Variants in ADGRL3 observed in about 807,000 individuals in gnomAD.
ADGRL3 encodes the protein calcium-independent alpha-latrotoxin receptor 3.
A neutral mutation model predicts 153.5 loss-of-function variants in ADGRL3; 62 were observed. The ratio of observed to expected loss-of-function variants is 0.40; its 90% CI spans 0.33 to 0.50. The LOEUF (loss-of-function observed/expected upper bound fraction) is 0.50, where lower values mean the gene tolerates loss of function less well. Ranked by LOEUF, ADGRL3 falls within the 20% of genes least tolerant of loss-of-function variation. The pLI is 0.47. For missense variants in ADGRL3, 1,641 were observed against 1,859.4 expected, an observed-to-expected ratio of 0.88 and a Z score of 2.16; for synonymous variants, 710 against 672.5, an observed-to-expected ratio of 1.06 and a Z score of -0.86.
intron 11 of ADGRL3, among the ~76,000 whole-genome samples, chr4:61,907,205 G>GGA (rs1474356893): frequency 2.0e-5 from 3 of 151,998 alleles, no homozygotes; most frequent in Admixed American, 6.6e-5. Flanking sequence ...AAAAGTAAGA[G>GGA]GAGGAATGCA....
chr4:61,982,809 A>G (rs954009726), intron 18 of ADGRL3, among the ~76,000 whole-genome samples: 1 of 152,176 alleles, frequency 6.6e-6, no homozygotes, highest in African/African-American at 2.4e-5. Flanking sequence ...GAATTTTCCA[A>G]CACCACCTTA....
chr4:61,603,871 A>G (rs2099021971), intron 5 of ADGRL3, among the ~76,000 whole-genome samples: 1 of 152,142 alleles, frequency 6.6e-6, no homozygotes, highest in Non-Finnish European at 1.5e-5. Flanking sequence ...AACCCAAGTC[A>G]ATCAAAGGAG....
intron 6 of ADGRL3, among the ~76,000 whole-genome samples, chr4:61,730,092 G>A (rs2096413662): frequency 6.6e-6 from 1 of 151,812 alleles, no homozygotes. Context: ...CTCATGAGGT[G>A]CATTTCTCAT....
chr4:61,786,919 G>A (rs533904002), intron 8 of ADGRL3, among the ~76,000 whole-genome samples: 2 of 152,036 alleles, frequency 1.3e-5, no homozygotes, highest in East Asian at 1.9e-4. Flanking sequence ...GATTACTTAC[G>A]AGATCCTTCA....
At chr4:61,509,533 T>C (rs2098451505) in intron 3 of ADGRL3, among the ~76,000 whole-genome samples, 1 of 152,146 alleles carries the variant, frequency 6.6e-6, no homozygotes, top group Admixed American at 6.6e-5. Context: ...CTTAGGATGA[T>C]GGCCTCCACT....
At chr4:61,262,577 G>A (rs910263020) in intron 1 of ADGRL3, among the ~76,000 whole-genome samples, 4 of 152,010 alleles carry the variant, frequency 2.6e-5, no homozygotes, top group Non-Finnish European at 4.4e-5. Context: ...GCCAGTAACC[G>A]GAACTTCTCT....
At chr4:61,482,444 A>G (rs143757964) in intron 2 of ADGRL3, among the ~76,000 whole-genome samples, 40 of 152,294 alleles carry the variant, frequency 2.6e-4, no homozygotes, top group African/African-American at 8.9e-4. Context: ...GGAGCCAAAT[A>G]TTAAACAATG....
intron 19 of ADGRL3, among the ~76,000 whole-genome samples, chr4:61,986,595 A>G (rs111858113): frequency 2.9e-4 from 44 of 152,210 alleles, no homozygotes; most frequent in African/African-American, 9.9e-4. Context: ...CTGATTTAAA[A>G]CAAGCCTTAA....
chr4:61,913,386 A>G (rs2098730976), intron 13 of ADGRL3, among the ~76,000 whole-genome samples: 2 of 152,246 alleles, frequency 1.3e-5, no homozygotes, highest in South Asian at 4.1e-4. Context: ...CAAGCTCTCT[A>G]GTTTTTTGTT....
At chr4:61,968,318 A>C (rs923413450) in intron 17 of ADGRL3, among the ~76,000 whole-genome samples, 4 of 152,292 alleles carry the variant, frequency 2.6e-5, no homozygotes, top group African/African-American at 9.6e-5. Flanking sequence ...AACTACACAG[A>C]ACTTCAAACA....
At chr4:61,372,519 G>A (rs941687632) in intron 1 of ADGRL3, among the ~76,000 whole-genome samples, 2 of 152,184 alleles carry the variant, frequency 1.3e-5, no homozygotes, top group African/African-American at 2.4e-5. Flanking sequence ...CCTGCTCATG[G>A]TGCCTACCAG....
rs1225938667 is a variant in ADGRL3 at position 61,922,087 on chromosome 4, TAAAC to T, written c.2112+9333_2112+9336del. Among the ~76,000 whole-genome samples, 4 of 152,264 alleles carry T rather than the reference TAAAC, an allele frequency of 2.6e-5. No individual in the cohort carries two copies. The East Asian group carries it at 5.8e-4, about 22-fold the overall frequency. On this transcript the variant is annotated intron_variant, in intron 13 of 26. Transcript: ENST00000683033. ...GATGTGATATATTTTCAAGTAAAAATAAACAAGCAAGCCAAAAACAACAGATAAC... is the reference window on the plus strand; with the variant it reads ...GATGTGATATATTTTCAAGTAAAAATAAGCAAGCCAAAAACAACAGATAAC...
intron 9 of ADGRL3, among the ~76,000 whole-genome samples, chr4:61,881,418 G>A (rs549342269): frequency 7.9e-5 from 12 of 152,056 alleles, no homozygotes; most frequent in East Asian, 7.8e-4. Context: ...TGGCTCTGTC[G>A]CCCAGGCTGG....
At chr4:61,706,312 C>T (rs1421940683) in intron 6 of ADGRL3, among the ~76,000 whole-genome samples, 2 of 151,664 alleles carry the variant, frequency 1.3e-5, no homozygotes, top group African/African-American at 4.8e-5. Context: ...ATCTTAGCTA[C>T]TCGGGAGGCT....
chr4:61,360,713 C>A (rs528218453), intron 1 of ADGRL3, among the ~76,000 whole-genome samples: 3 of 152,050 alleles, frequency 2.0e-5, no homozygotes, highest in Non-Finnish European at 4.4e-5. Flanking sequence ...TAGCACATAA[C>A]GAAGGCTAAA....
At chr4:61,213,928 TA>T (rs1741386913) in intron 1 of ADGRL3, among the ~76,000 whole-genome samples, 1 of 152,150 alleles carries the variant, frequency 6.6e-6, no homozygotes, top group South Asian at 2.1e-4. Context: ...TGACTTTTTC[TA>T]CTTGGTTACA....
intron 9 of ADGRL3, among the ~76,000 whole-genome samples, chr4:61,823,915 G>A (rs1270750428): frequency 6.6e-6 from 1 of 152,080 alleles, no homozygotes; most frequent in South Asian, 2.1e-4. Flanking sequence ...CAAAAAATTA[G>A]CTGGGCGTGG....
intron 1 of ADGRL3, among the ~76,000 whole-genome samples, chr4:61,356,816 G>A (rs896130989): frequency 6.6e-6 from 1 of 152,004 alleles, no homozygotes; most frequent in African/African-American, 2.4e-5. Context: ...AAATAACCAT[G>A]ACTGCAAAGT....
At chr4:61,341,388 G>A in intron 1 of ADGRL3, among the ~76,000 whole-genome samples, 1 of 151,744 alleles carries the variant, frequency 6.6e-6, no homozygotes, top group East Asian at 1.9e-4. Flanking sequence ...ACAGAAGTAT[G>A]TAAAATAAAA....
Sources: allele counts gnomAD v4.1 joint callset (sites outside exome capture counted in the v4.1 genomes callset), GRCh38; gene constraint gnomAD v4.1.1; transcripts MANE v1.5; gene names NCBI Gene and HGNC (gene_info 2026-07-23, HGNC 2026-07-21).